DCDC1: variants seen among roughly 807,000 people sequenced by gnomAD.
The protein encoded by DCDC1 is doublecortin domain-containing protein 1.
Under a neutral mutation model 178.3 loss-of-function variants are expected in DCDC1, and 200 were observed. That is an observed-to-expected ratio of 1.12 (90% confidence interval 1.00 to 1.26). DCDC1 has a LOEUF of 1.26. Ranked by LOEUF, DCDC1 falls within the 50% of genes most tolerant of loss-of-function variation. The pLI is 0.00. For synonymous variants in DCDC1, 690 were observed against 604.8 expected (o/e 1.14, Z -2.07); for missense variants, 1,983 against 1,749.2 (o/e 1.13, Z -2.38).
intron 15 of DCDC1, among the ~76,000 whole-genome samples, chr11:31,098,884 T>C (rs1163121339): frequency 6.6e-6 from 1 of 152,230 alleles, no homozygotes; most frequent in Non-Finnish European, 1.5e-5. Flanking sequence ...AATTTTTGCT[T>C]TCTTACAGTA....
chr11:31,030,230 C>T (rs770069326), intron 20 of DCDC1, among the ~76,000 whole-genome samples: 9 of 151,934 alleles, frequency 5.9e-5, no homozygotes, highest in Non-Finnish European at 1.2e-4. Context: ...CAATTACCTT[C>T]TTGCAATAAG....
chr11:31,196,317 C>T (rs1970690375), intron 9 of DCDC1, among the ~76,000 whole-genome samples: 1 of 151,954 alleles, frequency 6.6e-6, no homozygotes, highest in African/African-American at 2.4e-5. Flanking sequence ...AACTGGGTGT[C>T]CTACAATTTA....
chr11:31,019,465 A>C (rs1261611399), intron 20 of DCDC1, among the ~76,000 whole-genome samples: 1 of 151,032 alleles, frequency 6.6e-6, no homozygotes, highest in Non-Finnish European at 1.5e-5. Flanking sequence ...ATATCTAAAG[A>C]GTACCAGGGT....
chr11:31,052,403 T>C (rs896872121), intron 20 of DCDC1, among the ~76,000 whole-genome samples: 1 of 151,956 alleles, frequency 6.6e-6, no homozygotes, highest in Non-Finnish European at 1.5e-5. Flanking sequence ...ACAATAATAG[T>C]GGGGGGCTTC....
intron 3 of DCDC1, among the ~76,000 whole-genome samples, chr11:31,309,601 A>G (rs899497974): frequency 6.6e-6 from 1 of 152,216 alleles, no homozygotes; most frequent in Non-Finnish European, 1.5e-5. Flanking sequence ...CCAAGTTTCC[A>G]ATAAATAGTT....
At chr11:31,279,540 C>T (rs561474555) in intron 7 of DCDC1, among the ~76,000 whole-genome samples, 52 of 152,252 alleles carry the variant, frequency 3.4e-4, no homozygotes, top group Non-Finnish European at 6.6e-4. Context: ...GGCACATATA[C>T]ACCATGGAAC....
intron 17 of DCDC1, among the ~76,000 whole-genome samples, chr11:31,082,869 G>A (rs1033790386): frequency 1.3e-5 from 2 of 152,150 alleles, no homozygotes; most frequent in Admixed American, 6.5e-5. Context: ...TAGAATGCAC[G>A]TAGAGGATGG....
intron 9 of DCDC1, among the ~76,000 whole-genome samples, chr11:31,172,185 C>T (rs942657047): frequency 9.2e-5 from 14 of 151,754 alleles, no homozygotes; most frequent in African/African-American, 3.1e-4. Context: ...TATATATTTC[C>T]CTATAATCTA....
chr11:31,023,060 A>G (rs913565131), intron 20 of DCDC1, among the ~76,000 whole-genome samples: 1 of 151,986 alleles, frequency 6.6e-6, no homozygotes, highest in Non-Finnish European at 1.5e-5. Context: ...CAAAGGCTCC[A>G]CTCTAAGGAA....
intron 9 of DCDC1, among the ~76,000 whole-genome samples, chr11:31,139,231 A>G (rs1182588524): frequency 2.0e-5 from 3 of 152,194 alleles, no homozygotes; most frequent in African/African-American, 7.2e-5. Context: ...AACAACAATA[A>G]CAACATGTGG....
chr11:30,935,317 A>G (rs945306437), intron 21 of DCDC1, among the ~76,000 whole-genome samples: 5 of 152,176 alleles, frequency 3.3e-5, no homozygotes, highest in Admixed American at 6.5e-5. Flanking sequence ...GGGCAAAGAT[A>G]TTTATCTGCC....
intron 38 of DCDC1, among the ~76,000 whole-genome samples, chr11:30,871,279 A>G (rs1347357439): frequency 2.0e-5 from 3 of 152,178 alleles, no homozygotes; most frequent in Non-Finnish European, 4.4e-5. Flanking sequence ...GACCAAGCAC[A>G]GAGAAACAGG....
At chr11:31,164,886 C>T (rs1409852256) in intron 9 of DCDC1, among the ~76,000 whole-genome samples, 1 of 152,178 alleles carries the variant, frequency 6.6e-6, no homozygotes. Context: ...AACTTCCAGT[C>T]CTGTAAGCGC....
intron 22 of DCDC1, among the ~76,000 whole-genome samples, chr11:30,929,171 C>A (rs1946772343): frequency 6.6e-6 from 1 of 152,076 alleles, no homozygotes; most frequent in African/African-American, 2.4e-5. Flanking sequence ...GGCCCTTAAT[C>A]ATGTGGCTAA....
chr11:30,906,841 A>C, intron 29 of DCDC1, 116 bp from the exon 30 acceptor site: 1 of 938,910 alleles, frequency 1.1e-6, no homozygotes, highest in East Asian at 2.9e-5. Flanking sequence ...TGCTAAATTT[A>C]AATTTTATGC....
intron 38 of DCDC1, 71 bp downstream of exon 38, chr11:30,878,473 A>C: frequency 1.6e-6 from 2 of 1,287,212 alleles, no homozygotes; most frequent in Non-Finnish European, 2.1e-6. Context: ...AGAGGGGGGA[A>C]CTGCATGAAA....
intron 22 of DCDC1, among the ~76,000 whole-genome samples, chr11:30,929,242 A>T (rs1343356830): frequency 1.3e-5 from 2 of 152,086 alleles, no homozygotes; most frequent in Non-Finnish European, 1.5e-5. Context: ...CTATGATCAT[A>T]ACATAGCAGA....
chr11:31,038,228 T>TAC lies in DCDC1; in HGVS notation c.2591+26239_2591+26240dup, dbSNP rs1234585785. Reference sequence around the variant, plus strand: ...ACTTAAAGTATTATATATATATATATACACACACACACATAAAAACTTGAA... The same window carrying TAC: ...ACTTAAAGTATTATATATATATATATACACACACACACACATAAAAACTTGAA... On this transcript the variant is annotated intron_variant, in intron 20 of 38. Transcript: ENST00000684477. Among the ~76,000 whole-genome samples the TAC allele has an allele frequency of 7.2e-4, 90 of 124,190 alleles. 1 individual carries two copies. The highest frequency in any genetic ancestry group is 2.6e-3 in the African/African-American group (84 of 32,824). 81.5% of individuals were successfully genotyped at this position (124,190 alleles called of 152,430 possible).
chr11:30,871,407 T>C (rs1392880244), intron 38 of DCDC1, among the ~76,000 whole-genome samples: 1 of 152,130 alleles, frequency 6.6e-6, no homozygotes, highest in Non-Finnish European at 1.5e-5. Flanking sequence ...GCTTCCTCTC[T>C]TCCTTGTTAA....
Sources: allele counts gnomAD v4.1 joint callset (sites outside exome capture counted in the v4.1 genomes callset), GRCh38; gene constraint gnomAD v4.1.1; transcripts MANE v1.5; gene names NCBI Gene and HGNC (gene_info 2026-07-23, HGNC 2026-07-21).